The following PTPRG variants were observed in gnomAD, a reference collection of about 807,000 sequenced individuals.
PTPRG encodes receptor-type tyrosine-protein phosphatase gamma.
A neutral mutation model predicts 165.3 loss-of-function variants in PTPRG; 102 were observed. The observed-to-expected ratio is 0.62, with a 90% CI of 0.53 to 0.73. The LOEUF (loss-of-function observed/expected upper bound fraction) is 0.73, where lower values mean the gene tolerates loss of function less well. Ranked by LOEUF, PTPRG falls within the 30% of genes least tolerant of loss-of-function variation. The pLI, the probability that PTPRG is intolerant of heterozygous loss-of-function variation, is 0.00. For missense variants in PTPRG, 1,866 were observed against 1,861.4 expected, an observed-to-expected ratio of 1.00 and a Z score of -0.05; for synonymous variants, 675 against 669.5, an observed-to-expected ratio of 1.01 and a Z score of -0.13.
chr3:61,831,292 C>T (rs1575701768), intron 2 of PTPRG, among the ~76,000 whole-genome samples: 1 of 152,102 alleles, frequency 6.6e-6, no homozygotes, highest in Non-Finnish European at 1.5e-5. Flanking sequence ...TGTGAAAGAG[C>T]ATAATACCCA....
rs565931161 is a variant in PTPRG, at chr3:61,742,983, G to T, written c.86-5895G>T. The T allele has an allele frequency of 1.1e-4, 170 of 1,519,320 alleles. No homozygotes were observed. In the African/African-American group the frequency reaches 2.1e-3, roughly 18 times the overall value. 94.1% of individuals were successfully genotyped at this position (1,519,320 alleles called of 1,614,324 possible). A position where few individuals can be genotyped will look rare whatever the true frequency, so the allele number is the denominator to read the frequency against. On this transcript the variant is annotated intron_variant, in intron 1 of 29. Transcript: ENST00000474889. ...CCGAGAAGCACTTGTCCTTCTGGGG[G>T]TCATAGTTCTTCAAGCTGATCTGCA...
At position 62,296,261 on chromosome 3, in the gene PTPRG, T is replaced by C. The variant is rs1333678510; in HGVS notation, c.*2954T>C. The stretch of plus-strand genomic sequence containing the variant: ...ATTTTTATGCCTTTAGAGTTTTTAG[T>C]CTATTCAAGTAGAAGAGTCCAGCGA... On this transcript the variant is annotated 3_prime_UTR_variant, in exon 30 of 30. Transcript: ENST00000474889. 2.0e-5 allele frequency: 3 copies of C among 151,934 alleles called. No homozygotes were observed. Among genetic ancestry groups the C allele is most frequent in the African/African-American group, 7.2e-5 (3 of 41,386 alleles). 9.4% of individuals were successfully genotyped at this position (151,934 alleles called of 1,614,324 possible). A position where few individuals can be genotyped will look rare whatever the true frequency, so the allele number is the denominator to read the frequency against.
chr3:62,174,517 G>A (rs982601161), intron 8 of PTPRG, among the ~76,000 whole-genome samples: 6 of 152,146 alleles, frequency 3.9e-5, no homozygotes, highest in African/African-American at 7.2e-5. Flanking sequence ...TTGGTTAAAA[G>A]CACTTTTAAA....
At chr3:61,612,336 G>A (rs768277666) in intron 1 of PTPRG, among the ~76,000 whole-genome samples, 4 of 152,198 alleles carry the variant, frequency 2.6e-5, no homozygotes, top group Non-Finnish European at 4.4e-5. Flanking sequence ...CTTGGAATGC[G>A]AAGCATCTTT....
intron 8 of PTPRG, among the ~76,000 whole-genome samples, chr3:62,169,274 C>A (rs1705123683): frequency 6.6e-6 from 1 of 152,186 alleles, no homozygotes. Flanking sequence ...CTGTCCATAT[C>A]ATCAGGACCT....
At chr3:61,663,343 T>C (rs1321218026) in intron 1 of PTPRG, among the ~76,000 whole-genome samples, 2 of 152,138 alleles carry the variant, frequency 1.3e-5, no homozygotes, top group Middle Eastern at 3.2e-3. Flanking sequence ...AGTAGGTATT[T>C]GTTGAAATAA....
intron 1 of PTPRG, among the ~76,000 whole-genome samples, chr3:61,692,906 A>G (rs892399932): frequency 6.6e-6 from 1 of 152,096 alleles, no homozygotes; most frequent in Non-Finnish European, 1.5e-5. Flanking sequence ...TTCATGACAA[A>G]AGTTGGCTAC....
intron 1 of PTPRG, among the ~76,000 whole-genome samples, chr3:61,641,258 C>A (rs1053869907): frequency 4.6e-5 from 7 of 152,080 alleles, no homozygotes; most frequent in African/African-American, 1.7e-4. Flanking sequence ...AGAATACCCA[C>A]CATCAAGCAT....
chr3:62,210,794 A>C lies in PTPRG; in HGVS notation c.2155+6844A>C, dbSNP rs796996076. ...TTTCTTCCTTAGGATTTTCTTTATAACATTTTTTTCTAGCTTACTTTATTG... is the reference window on the plus strand; with the variant it reads ...TTTCTTCCTTAGGATTTTCTTTATACCATTTTTTTCTAGCTTACTTTATTG... On this transcript the variant is annotated intron_variant, in intron 12 of 29. Transcript: ENST00000474889. The surrounding 1 kb of genome is among the most constrained non-coding windows in gnomAD (Gnocchi z 4.1). 7.2e-5 allele frequency among the ~76,000 whole-genome samples: 11 copies of C among 152,328 alleles called. No homozygotes were observed. The highest frequency in any genetic ancestry group is 2.6e-4 in the African/African-American group (11 of 41,574).
At chr3:61,589,141 T>C (rs1026747100) in intron 1 of PTPRG, among the ~76,000 whole-genome samples, 1 of 152,234 alleles carries the variant, frequency 6.6e-6, no homozygotes, top group Non-Finnish European at 1.5e-5. Context: ...TATATGACTT[T>C]CAAATTTCAG....
chr3:61,983,388 T>G (rs2040684073), intron 2 of PTPRG, among the ~76,000 whole-genome samples: 1 of 152,172 alleles, frequency 6.6e-6, no homozygotes, highest in South Asian at 2.1e-4. Context: ...GACAACAAAA[T>G]GCAGAGTAAT....
intron 6 of PTPRG, among the ~76,000 whole-genome samples, chr3:62,150,896 C>G (rs990797220): frequency 3.3e-5 from 5 of 152,144 alleles, no homozygotes; most frequent in Admixed American, 6.5e-5. Context: ...CAGTGCACTT[C>G]CACAATTCCT....
intron 2 of PTPRG, among the ~76,000 whole-genome samples, chr3:61,947,875 A>C (rs1030804153): frequency 1.3e-5 from 2 of 152,158 alleles, no homozygotes; most frequent in Non-Finnish European, 1.5e-5. Flanking sequence ...CTCCTTTTTC[A>C]GAGGAGGCCC....
intron 2 of PTPRG, among the ~76,000 whole-genome samples, chr3:61,855,411 C>G (rs549847288): frequency 1.3e-5 from 2 of 152,182 alleles, no homozygotes; most frequent in South Asian, 4.1e-4. Context: ...TTCTCATACC[C>G]CTTCCAAAAC....
chr3:62,183,566 T>TAAA (rs368802810), intron 8 of PTPRG, among the ~76,000 whole-genome samples: 2 of 128,794 alleles, frequency 1.6e-5, no homozygotes, highest in Non-Finnish European at 3.3e-5. Context: ...TCGTCTCAAT[T>TAAA]AAAAAAAAAA....
intron 1 of PTPRG, among the ~76,000 whole-genome samples, chr3:61,586,639 A>G (rs1172770139): frequency 6.6e-6 from 1 of 152,202 alleles, no homozygotes; most frequent in African/African-American, 2.4e-5. Context: ...GATGAGACCA[A>G]TAGGGTTGTG....
chr3:61,841,572 C>G (rs2036633740), intron 2 of PTPRG, among the ~76,000 whole-genome samples: 1 of 151,848 alleles, frequency 6.6e-6, no homozygotes, highest in Non-Finnish European at 1.5e-5. Context: ...AAACTTAGCC[C>G]TCGTCCACCA....
chr3:62,144,470 T>A (rs1427119905), intron 6 of PTPRG, among the ~76,000 whole-genome samples: 1 of 152,256 alleles, frequency 6.6e-6, no homozygotes, highest in Non-Finnish European at 1.5e-5. Flanking sequence ...ACCAATGCTG[T>A]ATTATCTATA....
intron 2 of PTPRG, among the ~76,000 whole-genome samples, chr3:61,962,879 G>T (rs1182636626): frequency 6.6e-6 from 1 of 151,992 alleles, no homozygotes; most frequent in Non-Finnish European, 1.5e-5. Context: ...TTATTTTTTT[G>T]TTTGTTTAGT....
Sources: gnomAD v4.1 joint callset for allele counts (sites outside exome capture counted in the v4.1 genomes callset) on GRCh38, gnomAD v4.1.1 for gene constraint, Gnocchi (gnomAD v3.1) non-coding constraint, MANE v1.5 for transcripts, NCBI Gene and HGNC (gene_info 2026-07-23, HGNC 2026-07-21) for gene names.